CHST1: variants seen among roughly 807,000 people sequenced by gnomAD.
The protein encoded by CHST1 is carbohydrate sulfotransferase 1.
Under a neutral mutation model 22.5 loss-of-function variants are expected in CHST1, and 10 were observed. That is an observed-to-expected ratio of 0.44 (90% CI 0.27 to 0.75). The LOEUF is 0.75. CHST1 is among the 30% of genes least tolerant of loss of function. CHST1 has a pLI of 0.15. For missense variants in CHST1, 439 were observed against 576.1 expected, an observed-to-expected ratio of 0.76 and a Z score of 2.44; for synonymous variants, 267 against 264.5, an observed-to-expected ratio of 1.01 and a Z score of -0.09.
Position 45,650,479 on chromosome 11 carries a change from C to A in CHST1, c.445G>T (p.Asp149Tyr). Reference sequence around the variant, plus strand: ...CTGGCCCCGCGGCGGAAGATCCTGTCGGTGGTGTGGTTGACCGGCGGCGGC... The same window carrying A: ...CTGGCCCCGCGGCGGAAGATCCTGTAGGTGGTGTGGTTGACCGGCGGCGGC... ...IKPPPVNHTT[D>Y]RIFRRGASRV... is the part of the protein sequence containing the mutation. Residue 149 changes from aspartate to tyrosine, a missense_variant, in exon 4 of 4, where the codon GAC becomes TAC. Coordinates refer to ENST00000308064, the MANE Select transcript of CHST1 (RefSeq NM_003654.6). 1 of 1,613,368 alleles carries A rather than the reference C, an allele frequency of 6.2e-7. No individual in the cohort carries two copies. Among genetic ancestry groups the A allele is most frequent in the Non-Finnish European group, 8.5e-7 (1 of 1,179,948 alleles).
Position 45,648,151 on chromosome 11 carries a change from C to T in CHST1, c.*1537G>A, listed in dbSNP as rs1851941125. On this transcript the variant is annotated 3_prime_UTR_variant, in exon 4 of 4. Transcript: ENST00000308064. ...TACCAGTTATTCAAATAGTCAAATA[C>T]TTCCAGGTCTGTGGGTCAGCAGCCA... 6.6e-6 allele frequency among the ~76,000 whole-genome samples: 1 copy of T among 152,182 alleles called. No individual in the cohort carries two copies. The highest frequency in any genetic ancestry group is 1.5e-5 in the Non-Finnish European group (1 of 68,028).
chr11:45,650,238 A>T lies in CHST1; in HGVS notation c.686T>A (p.Val229Asp). 6.2e-7 allele frequency: 1 copy of T among 1,608,812 alleles called. No individual in the cohort carries two copies. Among genetic ancestry groups the T allele is most frequent in the Non-Finnish European group, 8.5e-7 (1 of 1,179,638 alleles). The stretch of plus-strand genomic sequence containing the variant: ...GCGGGGGTCTCGGACCAGCTGGATG[A>T]CCTTGAGGTTTAATCGCGGGTCTTC... ...LVEDPRLNLK[V>D]IQLVRDPRGI... Residue 229 changes from valine to aspartate, a missense_variant, in exon 4 of 4, where the codon GTC (valine) becomes GAC (aspartate). By Grantham distance (152) the Val-to-Asp change is radical (BLOSUM62 -3). Coordinates refer to ENST00000308064, the MANE Select transcript of CHST1 (RefSeq NM_003654.6).
In CHST1 at chr11:45,649,606, G is replaced by T. The variant is rs1413055506; in HGVS notation, c.*82C>A. On this transcript the variant is annotated 3_prime_UTR_variant, in exon 4 of 4. Coordinates refer to ENST00000308064, the MANE Select transcript of CHST1 (RefSeq NM_003654.6). The stretch of plus-strand genomic sequence containing the variant: ...CGAAGATGAGGTGGGAGAGGGAGGG[G>T]TTAATAAGGCAACAGTTAAAAACGG... 7.2e-7 allele frequency: 1 copy of T among 1,384,760 alleles called. No individual in the cohort carries two copies. The highest frequency in any genetic ancestry group is 9.7e-7 in the Non-Finnish European group (1 of 1,028,748). The allele number at this position is 1,384,760 out of a possible 1,614,324, so 85.8% of individuals were successfully genotyped here.
chr11:45,651,149 C>CT (rs1590688141), intron 3 of CHST1, 184 bp from the exon 4 acceptor site: 2 of 432,182 alleles, frequency 4.6e-6, no homozygotes, highest in East Asian at 6.8e-5. Flanking sequence ...CTCCTGGGAG[C>CT]TTTGGGGAGC....
At chr11:45,656,157 T>G (rs1387635471) in intron 1 of CHST1, among the ~76,000 whole-genome samples, 1 of 152,236 alleles carries the variant, frequency 6.6e-6, no homozygotes, top group African/African-American at 2.4e-5. Context: ...CACAGACCTT[T>G]CGAACCACAA....
rs897802008 is a variant in CHST1, at chr11:45,651,005, C to T, written c.-42-40G>A. The T allele has an allele frequency of 7.0e-6, 10 of 1,419,456 alleles. No individual in the cohort carries two copies. The Admixed American group carries it at 1.0e-4, about 14-fold the overall frequency. 87.9% of individuals were successfully genotyped at this position (1,419,456 alleles called of 1,614,324 possible). The stretch of plus-strand genomic sequence containing the variant: ...GGCCAGCGGTCAGGTGCCTCCACGG[C>T]GGGGGCACTGGCTTGTCCCTTGGAA... On this transcript the variant is annotated intron_variant, in intron 3 of 3. Coordinates refer to ENST00000308064, the MANE Select transcript of CHST1 (RefSeq NM_003654.6).
Position 45,649,769 on chromosome 11 carries a change from G to T in CHST1, c.1155C>A (p.Tyr385Ter). The T allele has an allele frequency of 6.2e-7, 1 of 1,611,586 alleles. No homozygotes were observed. Reference protein sequence around the residue: ...ACQQVLAQLGYKIAASEEELK... With the variant: ...ACQQVLAQLG ...GCTCCTCCTCCGAGGCGGCGATCTTGTAGCCCAGCTGGGCCAGCACCTGCT... is the reference window on the plus strand; with the variant it reads ...GCTCCTCCTCCGAGGCGGCGATCTTTTAGCCCAGCTGGGCCAGCACCTGCT... Residue 385 changes from tyrosine (Y) to a stop codon, truncating the protein, a stop_gained, in exon 4 of 4, where the codon TAC becomes TAA. Transcript: ENST00000308064. LOFTEE classifies it high-confidence loss of function.
chr11:45,664,529 CT>C (rs1327441628), intron 1 of CHST1, among the ~76,000 whole-genome samples: 1 of 152,268 alleles, frequency 6.6e-6, no homozygotes, highest in African/African-American at 2.4e-5. Context: ...GCTAGGGTTA[CT>C]CTGGGCTGTT....
At chr11:45,653,121 A>G (rs865808855) in intron 1 of CHST1, among the ~76,000 whole-genome samples, 12 of 152,100 alleles carry the variant, frequency 7.9e-5, no homozygotes, top group Middle Eastern at 6.8e-3. Flanking sequence ...TTCTTCCCAC[A>G]CCCCACTATT....
In CHST1 at chr11:45,650,082, T is replaced by G; in HGVS notation, c.842A>C (p.Asn281Thr). The change falls in exon 4 of 4, where the codon AAC becomes ACC. Residue 281 changes from asparagine (N) to threonine (T), a missense_variant. Coordinates refer to ENST00000308064, the MANE Select transcript of CHST1 (RefSeq NM_003654.6). ...QLTTVCEDFS[N>T]SVSTGLMRPP... is the part of the protein sequence containing the mutation. ...CCGCATGAGGCCGGTGGACACGGAG[T>G]TGGAGAAGTCCTCGCACACCGTGGT... The G allele has an allele frequency of 6.2e-7, 1 of 1,613,900 alleles. No homozygotes were observed.
chr11:45,649,688 T>TCACG lies in CHST1; in HGVS notation c.1232_1235dup (p.Ter412CysfsTer18). 6.4e-7 allele frequency: 1 copy of TCACG among 1,558,532 alleles called. No homozygotes were observed. Among genetic ancestry groups the TCACG allele is most frequent in the South Asian group, 1.2e-5 (1 of 84,254 alleles). On this transcript the variant is annotated frameshift_variant and stop_lost, in exon 4 of 4. Coordinates refer to ENST00000308064, the MANE Select transcript of CHST1 (RefSeq NM_003654.6). LOFTEE classifies it high-confidence loss of function. ...CCCGCCCCCACCCGCACCGCCCGGG[T>TCACG]CACGAGAAGGGGCGGAAGTCCCGCT...
chr11:45,651,896 C>A lies in CHST1; in HGVS notation c.-43+97G>T, dbSNP rs45604634. 766 of 152,582 alleles carry A rather than the reference C, an allele frequency of 5.0e-3. 4 individuals are homozygous for A. Among genetic ancestry groups the A allele is most frequent in the Non-Finnish European group, 7.9e-3 (537 of 68,254 alleles). The allele number at this position is 152,582 out of a possible 1,614,324, so 9.5% of individuals were successfully genotyped here. A position where few individuals can be genotyped will look rare whatever the true frequency, so the allele number is the denominator to read the frequency against. On this transcript the variant is annotated intron_variant, in intron 3 of 3. Coordinates refer to ENST00000308064, the MANE Select transcript of CHST1 (RefSeq NM_003654.6). ...CGGGGCCAGGAGCCCACCTGAGCAT[C>A]CTGTAGGCACCCTCTCTGGAGGCTG...
intron 1 of CHST1, among the ~76,000 whole-genome samples, chr11:45,658,878 C>T (rs1489646918): frequency 6.6e-6 from 1 of 152,080 alleles, no homozygotes; most frequent in East Asian, 1.9e-4. Flanking sequence ...GGCCCATCCT[C>T]CCAGCTTCAA....
At chr11:45,663,826 C>G (rs927699966) in intron 1 of CHST1, among the ~76,000 whole-genome samples, 19 of 152,182 alleles carry the variant, frequency 1.2e-4, no homozygotes, top group African/African-American at 4.6e-4. Flanking sequence ...CTTTCCCCAG[C>G]AGCTCCCTAA....
At position 45,649,533 on chromosome 11, in the gene CHST1, C is replaced by T. The variant is rs903575254; in HGVS notation, c.*155G>A. 3.7e-6 allele frequency: 3 copies of T among 819,570 alleles called. No individual in the cohort carries two copies. The highest frequency in any genetic ancestry group is 5.7e-6 in the Non-Finnish European group (3 of 530,048). 50.8% of individuals were successfully genotyped at this position (819,570 alleles called of 1,614,324 possible). A position where few individuals can be genotyped will look rare whatever the true frequency, so the allele number is the denominator to read the frequency against. ...CAAGACGTAGTGCAAATTTCAGAGA[C>T]AAAAAAGGGGCAGAAGGGAGTGGGG... On this transcript the variant is annotated 3_prime_UTR_variant, in exon 4 of 4. Coordinates refer to ENST00000308064, the MANE Select transcript of CHST1 (RefSeq NM_003654.6).
chr11:45,664,208 A>C (rs927605003), intron 1 of CHST1, among the ~76,000 whole-genome samples: 2 of 152,002 alleles, frequency 1.3e-5, no homozygotes, highest in Non-Finnish European at 2.9e-5. Context: ...TGCTGGACTG[A>C]ATTTCTGTCC....
chr11:45,659,105 T>C (rs1271680657), intron 1 of CHST1, among the ~76,000 whole-genome samples: 1 of 152,264 alleles, frequency 6.6e-6, no homozygotes, highest in East Asian at 1.9e-4. Flanking sequence ...CCGACGTGGA[T>C]ACTCAGAGAT....
At chr11:45,654,562 T>C (rs1852037114) in intron 1 of CHST1, among the ~76,000 whole-genome samples, 1 of 152,200 alleles carries the variant, frequency 6.6e-6, no homozygotes, top group African/African-American at 2.4e-5. Flanking sequence ...TGGGGCCAGG[T>C]CCTGTTGTTC....
intron 1 of CHST1, among the ~76,000 whole-genome samples, chr11:45,663,873 C>A (rs1852164835): frequency 6.6e-6 from 1 of 152,154 alleles, no homozygotes; most frequent in Non-Finnish European, 1.5e-5. Flanking sequence ...AGGTTGGAAG[C>A]CTGATACCTC....
Sources: allele counts gnomAD v4.1 joint callset (sites outside exome capture counted in the v4.1 genomes callset), GRCh38; gene constraint gnomAD v4.1.1; transcripts MANE v1.5; gene names NCBI Gene and HGNC (gene_info 2026-07-23, HGNC 2026-07-21).